ARHGEF33: variants seen among roughly 807,000 people sequenced by gnomAD.
ARHGEF33 encodes the protein Rho guanine nucleotide exchange factor 33.
Under a neutral mutation model 101.9 loss-of-function variants are expected in ARHGEF33, and 72 were observed. The ratio of observed to expected loss-of-function variants is 0.71; its 90% confidence interval spans 0.58 to 0.86. The LOEUF (loss-of-function observed/expected upper bound fraction) is 0.86, where lower values mean the gene tolerates loss of function less well. Among genes scored for constraint, ARHGEF33 ranks in the 40% least tolerant of loss-of-function variants. The pLI is 0.00. For synonymous variants in ARHGEF33, 499 were observed against 442.5 expected, an observed-to-expected ratio of 1.13 and a Z score of -1.60; for missense variants, 1,169 against 1,111.3, an observed-to-expected ratio of 1.05 and a Z score of -0.74.
At chr2:38,968,166 G>C (rs1668091896) in intron 17 of ARHGEF33, among the ~76,000 whole-genome samples, 1 of 151,974 alleles carries the variant, frequency 6.6e-6, no homozygotes. Flanking sequence ...GGATTCAGAG[G>C]GCAGAACTAG....
At chr2:38,906,095 A>C (rs773040726) in intron 2 of ARHGEF33, among the ~76,000 whole-genome samples, 19 of 151,924 alleles carry the variant, frequency 1.3e-4, no homozygotes, top group South Asian at 4.2e-4. Flanking sequence ...GTCTACAAAA[A>C]AATACCTAGG....
chr2:38,893,393 C>T (rs1420993358), intron 1 of ARHGEF33, among the ~76,000 whole-genome samples: 1 of 152,250 alleles, frequency 6.6e-6, no homozygotes, highest in Non-Finnish European at 1.5e-5. Flanking sequence ...CTCCTGAGCT[C>T]AAGCGATTTA....
rs1302775494 is a variant in ARHGEF33 at position 38,965,986 on chromosome 2, T to G, written c.2344-20T>G. On this transcript the variant is annotated intron_variant, in intron 16 of 17. Transcript: ENST00000409978. ...ACATTGGAAGGAGTAAAGAAAAAAA[T>G]CCCTCTTTTTTGTTTCCAGGAGATG... is the stretch of plus-strand genomic sequence containing the variant. 9.7e-6 allele frequency: 15 copies of G among 1,549,530 alleles called. No individual in the cohort carries two copies. In the Admixed American group the frequency reaches 1.4e-4, roughly 14 times the overall value.
chr2:38,962,257 T>C (rs1221815289), intron 16 of ARHGEF33, among the ~76,000 whole-genome samples: 4 of 152,208 alleles, frequency 2.6e-5, no homozygotes, highest in African/African-American at 9.6e-5. Flanking sequence ...ATAGTGCCAA[T>C]TCAGTGTGAC....
chr2:38,964,673 G>A (rs565162935), intron 16 of ARHGEF33, among the ~76,000 whole-genome samples: 19 of 151,942 alleles, frequency 1.3e-4, no homozygotes, highest in South Asian at 2.1e-4. Context: ...AATGGGGAGC[G>A]GCTATAAATA....
At chr2:38,920,833 T>TATTA (rs2124992226) in intron 3 of ARHGEF33, among the ~76,000 whole-genome samples, 1 of 151,484 alleles carries the variant, frequency 6.6e-6, no homozygotes, top group South Asian at 2.1e-4. Flanking sequence ...TGACAATTCC[T>TATTA]TTTATCAGCC....
chr2:38,955,551 T>A (rs1172007345), intron 13 of ARHGEF33, among the ~76,000 whole-genome samples: 1 of 127,606 alleles, frequency 7.8e-6, no homozygotes, highest in African/African-American at 2.9e-5. Flanking sequence ...TGCAGTGGTG[T>A]GATCTTGGCT....
rs891432113 is a variant in ARHGEF33 at position 38,937,469 on chromosome 2, G to T, written c.700G>T (p.Val234Phe). ...KDGKEWGEEY[V>F]TKDHPDKLKE... The stretch of plus-strand genomic sequence containing the variant: ...TGGTAAAGAATGGGGTGAAGAATAC[G>T]TCACAAAAGACCACCCAGATAAACT... Residue 234 changes from valine to phenylalanine, a missense_variant, in exon 9 of 18, where the codon GTC becomes TTC. Coordinates refer to ENST00000409978, the MANE Select transcript of ARHGEF33 (RefSeq NM_001145451.5). 1 of 1,550,560 alleles carries T rather than the reference G, an allele frequency of 6.4e-7. No homozygotes were observed. Among genetic ancestry groups the T allele is most frequent in the South Asian group, 1.2e-5 (1 of 84,014 alleles).
At chr2:38,971,292 G>A (rs1051840189) in intron 17 of ARHGEF33, among the ~76,000 whole-genome samples, 1 of 152,152 alleles carries the variant, frequency 6.6e-6, no homozygotes, top group African/African-American at 2.4e-5. Flanking sequence ...GTTAGCAACA[G>A]GTCTGTTGTC....
chr2:38,955,726 G>A (rs764179045), intron 13 of ARHGEF33, among the ~76,000 whole-genome samples: 1 of 151,654 alleles, frequency 6.6e-6, no homozygotes, highest in Non-Finnish European at 1.5e-5. Flanking sequence ...GCCCAGGCTG[G>A]AGTGCAGTGG....
chr2:38,931,159 A>T lies in ARHGEF33; in HGVS notation c.413A>T (p.Gln138Leu). Reference protein sequence around the residue: ...HSSQAGPAQAQGSPFRSINIP... With the variant: ...HSSQAGPAQALGSPFRSINIP... Reference sequence around the variant, plus strand: ...TCACAGGCCGGGCCTGCCCAAGCACAAGGAAGTCCTTTTCGTTCTATCAAT... The same window carrying T: ...TCACAGGCCGGGCCTGCCCAAGCACTAGGAAGTCCTTTTCGTTCTATCAAT... The change falls in exon 7 of 18, where the codon CAA becomes CTA. Residue 138 changes from glutamine (Q) to leucine (L), a missense_variant. Physicochemically the swap from Gln to Leu is moderately radical, Grantham distance 113. Coordinates refer to ENST00000409978, the MANE Select transcript of ARHGEF33 (RefSeq NM_001145451.5). The T allele has an allele frequency of 6.4e-7, 1 of 1,551,640 alleles. No individual in the cohort carries two copies. Among genetic ancestry groups the T allele is most frequent in the Non-Finnish European group, 8.7e-7 (1 of 1,146,916 alleles).
At chr2:38,946,533 G>A (rs1667455586) in intron 10 of ARHGEF33, among the ~76,000 whole-genome samples, 1 of 152,066 alleles carries the variant, frequency 6.6e-6, no homozygotes, top group Non-Finnish European at 1.5e-5. Flanking sequence ...TGGTACTGCC[G>A]TTTTTCTATT....
chr2:38,962,534 GT>G (rs1297082192), intron 16 of ARHGEF33, among the ~76,000 whole-genome samples: 3 of 152,076 alleles, frequency 2.0e-5, no homozygotes, highest in African/African-American at 7.2e-5. Context: ...TGGCCAGCAA[GT>G]TTCATCTCCT....
At chr2:38,938,991 G>C (rs1048192952) in intron 9 of ARHGEF33, among the ~76,000 whole-genome samples, 1 of 150,872 alleles carries the variant, frequency 6.6e-6, no homozygotes, top group Non-Finnish European at 1.5e-5. Context: ...ATTTTTTTTT[G>C]AGACAGAGTC....
chr2:38,937,156 A>T (rs1191267581), intron 8 of ARHGEF33, 179 bp from the exon 9 acceptor site: 4 of 537,294 alleles, frequency 7.4e-6, no homozygotes, highest in Non-Finnish European at 1.3e-5. Context: ...CACCACGCCC[A>T]GCTAATTTTT....
chr2:38,955,481 C>CTTTTTTTTTTTTTTTTTTT (rs3085350), intron 13 of ARHGEF33, among the ~76,000 whole-genome samples: 1 of 71,186 alleles, frequency 1.4e-5, no homozygotes. Context: ...ATTGAAAAGA[C>CTTTTTTTTTTTTTTTTTTT]TTTTTTTTTT....
chr2:38,925,448 C>G (rs1181321461), intron 4 of ARHGEF33, among the ~76,000 whole-genome samples: 2 of 152,286 alleles, frequency 1.3e-5, no homozygotes, highest in Admixed American at 1.3e-4. Flanking sequence ...GTTAACTCTT[C>G]TAGGCCTGTG....
chr2:38,935,982 TG>T, intron 8 of ARHGEF33, 148 bp downstream of exon 8: 1 of 708,576 alleles, frequency 1.4e-6, no homozygotes, highest in African/African-American at 1.8e-5. Flanking sequence ...GATTCCAAGA[TG>T]TGTACTAGAG....
At chr2:38,919,565 T>A in intron 3 of ARHGEF33, 93 bp downstream of exon 3, 1 of 1,268,772 alleles carries the variant, frequency 7.9e-7, no homozygotes, top group Non-Finnish European at 1.1e-6. Context: ...CATGACAGTA[T>A]GTTAACTATT....
Sources: gnomAD v4.1 joint callset for allele counts (sites outside exome capture counted in the v4.1 genomes callset) on GRCh38, gnomAD v4.1.1 for gene constraint, MANE v1.5 for transcripts, NCBI Gene and HGNC (gene_info 2026-07-23, HGNC 2026-07-21) for gene names.